ACTA2: variants seen among roughly 807,000 people sequenced by gnomAD.
The protein encoded by ACTA2 is actin alpha 2, smooth muscle, also known as actin, aortic smooth muscle.
Under a neutral mutation model 39.5 loss-of-function variants are expected in ACTA2, and 12 were observed. The observed-to-expected ratio is 0.30, with a 90% CI of 0.19 to 0.49. The LOEUF is 0.49. ACTA2 is among the 20% of genes least tolerant of loss of function. The pLI is 0.99. For missense variants in ACTA2, 236 were observed against 498.8 expected (o/e 0.47, Z 5.02); for synonymous variants, 158 against 180.6 (o/e 0.88, Z 1.00).
chr10:88,973,390 A>C (rs1846493285), intron 1 of ACTA2: 1 of 1,414,032 alleles, frequency 7.1e-7, no homozygotes, highest in Admixed American at 2.4e-5. Context: ...AAAATCTTTC[A>C]TAGAGTTCCC....
At chr10:88,975,046 T>C (rs1846531622) in intron 1 of ACTA2, 1 of 152,210 alleles carries the variant, frequency 6.6e-6, no homozygotes. Flanking sequence ...CTGTAATTTC[T>C]AGCATGTAGT....
intron 7 of ACTA2, 33 bp downstream of exon 7, chr10:88,939,474 C>T (rs781223347): frequency 1.2e-6 from 2 of 1,611,482 alleles, no homozygotes; most frequent in East Asian, 2.2e-5. Flanking sequence ...GACAATGACT[C>T]CCCTTCCCAG....
At chr10:88,972,623 A>G (rs1276906118) in intron 1 of ACTA2, among the ~76,000 whole-genome samples, 1 of 152,070 alleles carries the variant, frequency 6.6e-6, no homozygotes, top group East Asian at 1.9e-4. Flanking sequence ...ATTTTTACAA[A>G]GTTGCTCTAG....
intron 1 of ACTA2, chr10:88,973,379 G>A: frequency 2.1e-6 from 3 of 1,438,382 alleles, no homozygotes; most frequent in Non-Finnish European, 2.8e-6. Flanking sequence ...GAACAATTGT[G>A]AAAATCTTTC....
intron 1 of ACTA2, among the ~76,000 whole-genome samples, chr10:88,952,240 ACAAT>A (rs1444576005): frequency 6.6e-6 from 1 of 152,242 alleles, no homozygotes; most frequent in Admixed American, 6.5e-5. Context: ...AAATTCAGGC[ACAAT>A]CAAAGACTAG....
At chr10:88,989,686 G>A in intron 1 of ACTA2, 1 of 432,290 alleles carries the variant, frequency 2.3e-6, no homozygotes, top group South Asian at 1.7e-5. Context: ...AATGTCAACT[G>A]AGAGGAAGCC....
At chr10:88,935,746 T>C (rs944350629) in intron 8 of ACTA2, among the ~76,000 whole-genome samples, 4 of 152,214 alleles carry the variant, frequency 2.6e-5, no homozygotes, top group African/African-American at 9.6e-5. Flanking sequence ...AAACAAACCC[T>C]AGCCTATTCA....
intron 1 of ACTA2, among the ~76,000 whole-genome samples, chr10:88,986,350 AC>A (rs1324744606): frequency 1.3e-5 from 2 of 152,278 alleles, no homozygotes; most frequent in East Asian, 3.9e-4. Flanking sequence ...GGGGAGGGGT[AC>A]TCAATTGGAT....
At chr10:88,959,778 C>T (rs768007727) in intron 1 of ACTA2, among the ~76,000 whole-genome samples, 4 of 152,162 alleles carry the variant, frequency 2.6e-5, no homozygotes, top group Non-Finnish European at 5.9e-5. Context: ...AGTCAAGTCT[C>T]TTTAGCCATG....
chr10:88,938,356 CATA>C, intron 7 of ACTA2, 114 bp from the exon 8 acceptor site: 1 of 1,190,978 alleles, frequency 8.4e-7, no homozygotes, highest in Non-Finnish European at 1.3e-6. Context: ...GCTGGGAAGA[CATA>C]ATAATCTAGG....
chr10:88,962,967 ATATATAT>A (rs1846258878), intron 1 of ACTA2, among the ~76,000 whole-genome samples: 1 of 73,776 alleles, frequency 1.4e-5, no homozygotes, highest in African/African-American at 5.7e-5. Flanking sequence ...ATATATATAT[ATATATAT>A]ATAATATTTT....
chr10:88,981,709 C>T (rs947727387), intron 1 of ACTA2, among the ~76,000 whole-genome samples: 1 of 152,066 alleles, frequency 6.6e-6, no homozygotes, highest in Non-Finnish European at 1.5e-5. Context: ...ATGGGGGAAA[C>T]GGTAGATAAA....
upstream of ACTA2, among the ~76,000 whole-genome samples, chr10:88,953,690 C>T (rs1229601632): frequency 6.6e-6 from 1 of 152,150 alleles, no homozygotes; most frequent in Non-Finnish European, 1.5e-5. Context: ...ATCCCATGTC[C>T]AGAGAAAGGC....
intron 3 of ACTA2, among the ~76,000 whole-genome samples, chr10:88,944,599 C>T (rs1212147879): frequency 6.6e-6 from 1 of 152,224 alleles, no homozygotes; most frequent in African/African-American, 2.4e-5. Context: ...TTGCCTCCAT[C>T]ACCCTCTTTG....
intron 1 of ACTA2, among the ~76,000 whole-genome samples, chr10:88,962,911 CCATA>C (rs1846250675): frequency 2.1e-5 from 1 of 46,560 alleles, no homozygotes; most frequent in East Asian, 7.0e-4. Context: ...GGGGAATGCC[CCATA>C]TATATATATA....
rs1589400160 is a variant in ACTA2 at position 88,948,636 on chromosome 10, T to C, written c.129+166A>G. ...ATGCCCATCAGATAATCTGTCTACA[T>C]TATATGTGAAATTGGCATTTACTCC... is the stretch of plus-strand genomic sequence containing the variant. On this transcript the variant is annotated intron_variant, in intron 2 of 8. Transcript: ENST00000224784. The C allele has an allele frequency of 1.4e-5, 12 of 862,772 alleles. No individual in the cohort carries two copies. The East Asian group carries it at 3.0e-4, about 22-fold the overall frequency. The allele number at this position is 862,772 out of a possible 1,614,324, so 53.4% of individuals were successfully genotyped here.
chr10:88,991,092 G>A (rs1033642430), exon 1 of ACTA2: 1 of 708,146 alleles, frequency 1.4e-6, no homozygotes, highest in South Asian at 1.7e-5. Context: ...CTTCCCTCAG[G>A]CCCGGGTGCT....
chr10:88,955,811 A>C (rs1448270445), upstream of ACTA2, among the ~76,000 whole-genome samples: 1 of 152,190 alleles, frequency 6.6e-6, no homozygotes, highest in East Asian at 1.9e-4. Context: ...ACTTTGTGTA[A>C]AGGCAAACAT....
intron 1 of ACTA2, among the ~76,000 whole-genome samples, chr10:88,983,305 A>T (rs1846757715): frequency 6.6e-6 from 1 of 152,138 alleles, no homozygotes; most frequent in Admixed American, 6.5e-5. Flanking sequence ...AGTCAATATG[A>T]CCCGGAATTT....
Sources: gnomAD v4.1 joint callset for allele counts (sites outside exome capture counted in the v4.1 genomes callset) on GRCh38, gnomAD v4.1.1 for gene constraint, MANE v1.5 for transcripts, NCBI Gene and HGNC (gene_info 2026-07-23, HGNC 2026-07-21) for gene names.